Variants in PCDHGC5 observed in about 807,000 individuals in gnomAD.
PCDHGC5 encodes protocadherin gamma subfamily C, 5, also known as protocadherin gamma-C5.
PCDHGC5 carries 25 observed loss-of-function variants against 59.0 expected under a neutral mutation model. The observed-to-expected ratio is 0.42, with a 90% CI of 0.31 to 0.59. The LOEUF is 0.59. PCDHGC5 is among the 20% of genes least tolerant of loss of function. The pLI, the probability that PCDHGC5 is intolerant of heterozygous loss-of-function variation, is 0.13. For missense variants in PCDHGC5, 1,067 were observed against 1,206.4 expected (o/e 0.88, Z 1.71); for synonymous variants, 434 against 505.5 (o/e 0.86, Z 1.90).
chr5:141,509,051 A>G (rs1051961974), intron 3 of PCDHGC5, among the ~76,000 whole-genome samples: 1 of 152,166 alleles, frequency 6.6e-6, no homozygotes, highest in Admixed American at 6.5e-5. Context: ...CCCCGCCCCC[A>G]GAAAGCTCTC....
chr5:141,489,094 G>GAAT lies in PCDHGC5; in HGVS notation c.-145_-144insTAA, dbSNP rs2154581134. 5.1e-6 allele frequency: 2 copies of GAAT among 396,028 alleles called. No homozygotes were observed. Among genetic ancestry groups the GAAT allele is most frequent in the Non-Finnish European group, 9.0e-6 (2 of 221,296 alleles). 24.5% of individuals were successfully genotyped at this position (396,028 alleles called of 1,614,324 possible). Reference sequence around the variant, plus strand: ...CCCACCCCCGCCACTCGGTGACTAAGAACTGCTGCAAGCAGGCAAACCTCC... The same window carrying GAAT: ...CCCACCCCCGCCACTCGGTGACTAAGAATAACTGCTGCAAGCAGGCAAACCTCC... On this transcript the variant is annotated 5_prime_UTR_variant, in exon 1 of 4. Coordinates refer to ENST00000252087, the MANE Select transcript of PCDHGC5 (RefSeq NM_018929.3). The surrounding 1 kb of genome is among the most constrained non-coding windows in gnomAD (Gnocchi z 4.5).
intron 2 of PCDHGC5, 114 bp from the exon 3 acceptor site, chr5:141,505,279 C>T: frequency 6.5e-7 from 1 of 1,541,274 alleles, no homozygotes; most frequent in Non-Finnish European, 8.7e-7. Context: ...AGAAACAGGT[C>T]TTGGGCATGG....
In PCDHGC5 at chr5:141,491,764, C is replaced by T; in HGVS notation, c.2460+64C>T. The stretch of plus-strand genomic sequence containing the variant: ...CGGCACTGGAGAAGCCGCCCGTCCT[C>T]ATAAGGGATTGAACTTGCATCCACT... On this transcript the variant is annotated intron_variant, in intron 1 of 3. Transcript: ENST00000252087. The surrounding 1 kb of genome is among the most constrained non-coding windows in gnomAD (Gnocchi z 6.9). The T allele has an allele frequency of 6.4e-7, 1 of 1,570,206 alleles. No homozygotes were observed. Among genetic ancestry groups the T allele is most frequent in the Non-Finnish European group, 8.6e-7 (1 of 1,159,296 alleles).
Position 141,510,956 on chromosome 5 carries a change from A to T in PCDHGC5, c.2618A>T (p.Asp873Val). 1 of 1,614,104 alleles carries T rather than the reference A, an allele frequency of 6.2e-7. No homozygotes were observed. The highest frequency in any genetic ancestry group is 8.5e-7 in the Non-Finnish European group (1 of 1,179,996). The change falls in exon 4 of 4, where the codon GAT becomes GTT. Residue 873 changes from aspartate to valine, a missense_variant. Asp to Val is a radical substitution (Grantham distance 152). Transcript: ENST00000252087. ...MILASASEAA[D>V]GSSTLGGGAG... ...TCCTCTGTCTCTGCAGAAGCTGCTG[A>T]TGGGAGCTCCACCCTGGGAGGGGGT...
In PCDHGC5 at chr5:141,511,999, C is replaced by G. The variant is rs1049440139; in HGVS notation, c.*826C>G. ...GTGGATGGTGGGGGCATGGACAAAG[C>G]TTGACACATCAAGTTATCAAGGCCT... is the stretch of plus-strand genomic sequence containing the variant. On this transcript the variant is annotated 3_prime_UTR_variant, in exon 4 of 4. Coordinates refer to ENST00000252087, the MANE Select transcript of PCDHGC5 (RefSeq NM_018929.3). 6.5e-6 allele frequency: 1 copy of G among 153,016 alleles called. No individual in the cohort carries two copies. Among genetic ancestry groups the G allele is most frequent in the Non-Finnish European group, 1.5e-5 (1 of 68,392 alleles). The allele number at this position is 153,016 out of a possible 1,614,324, so 9.5% of individuals were successfully genotyped here. A position where few individuals can be genotyped will look rare whatever the true frequency, so the allele number is the denominator to read the frequency against.
chr5:141,511,733 T>C lies in PCDHGC5; in HGVS notation c.*560T>C, dbSNP rs1032711521. 9 of 177,040 alleles carry C rather than the reference T, an allele frequency of 5.1e-5. No individual in the cohort carries two copies. The highest frequency in any genetic ancestry group is 8.7e-5 in the Non-Finnish European group (7 of 80,868). The allele number at this position is 177,040 out of a possible 1,614,324, so 11.0% of individuals were successfully genotyped here. ...TCCTTCCAGAGCCCAAGATCAATGC[T>C]CAAGTTTTGGAGGACATGATCACCA... On this transcript the variant is annotated 3_prime_UTR_variant, in exon 4 of 4. Transcript: ENST00000252087.
intron 2 of PCDHGC5, among the ~76,000 whole-genome samples, chr5:141,501,109 C>G (rs909874167): frequency 2.0e-5 from 3 of 152,106 alleles, no homozygotes; most frequent in Non-Finnish European, 4.4e-5. Context: ...CCTCGTGATC[C>G]GCCTGCCTCA....
chr5:141,509,199 GTCTC>G (rs1017134758), intron 3 of PCDHGC5, among the ~76,000 whole-genome samples: 4 of 152,070 alleles, frequency 2.6e-5, no homozygotes, highest in Admixed American at 2.0e-4. Context: ...AATATTTCCT[GTCTC>G]TCTATTTCTC....
intron 2 of PCDHGC5, among the ~76,000 whole-genome samples, chr5:141,500,894 C>CAG (rs10656935): frequency 0.58 from 88,074 of 150,994 alleles, 27,125 homozygotes; most frequent in African/African-American, 0.78. Flanking sequence ...TTTTTTGAGA[C>CAG]AGTCTCGCTC....
At chr5:141,501,628 C>T (rs1217355708) in intron 2 of PCDHGC5, among the ~76,000 whole-genome samples, 1 of 152,112 alleles carries the variant, frequency 6.6e-6, no homozygotes, top group Non-Finnish European at 1.5e-5. Flanking sequence ...TATAGTCTCT[C>T]AACCTCTCTG....
chr5:141,495,384 C>A (rs2099760896), intron 2 of PCDHGC5, among the ~76,000 whole-genome samples: 1 of 152,190 alleles, frequency 6.6e-6, no homozygotes, highest in African/African-American at 2.4e-5. Flanking sequence ...AAGGACTGGG[C>A]GGGGCATGGA....
At position 141,510,947 on chromosome 5, in the gene PCDHGC5, A is replaced by C; in HGVS notation, c.2609A>C (p.Glu870Ala). Residue 870 changes from glutamate to alanine, a missense_variant and splice_region_variant, in exon 4 of 4, where the codon GAA (glutamate) becomes GCA (alanine). By Grantham distance (107) the Glu-to-Ala change is moderately radical. Transcript: ENST00000252087. ...ACCTGATCTTCCTCTGTCTCTGCAG[A>C]AGCTGCTGATGGGAGCTCCACCCTG... ...LQAMILASAS[E>A]AADGSSTLGG... The C allele has an allele frequency of 6.2e-7, 1 of 1,614,084 alleles. No individual in the cohort carries two copies. Among genetic ancestry groups the C allele is most frequent in the Non-Finnish European group, 8.5e-7 (1 of 1,180,000 alleles).
chr5:141,499,616 C>T (rs538268323), intron 2 of PCDHGC5, among the ~76,000 whole-genome samples: 2 of 152,058 alleles, frequency 1.3e-5, no homozygotes, highest in South Asian at 4.2e-4. Context: ...CTTATCCTGT[C>T]CTTGGATTCT....
rs1281778338 is a variant in PCDHGC5, at chr5:141,512,281, G to A, written c.*1108G>A. ...TGGGTACTCCAGAGGTGCCACTGGTGGAAGGGTCAGCGGAGCCCCAGCAGG... is the reference window on the plus strand; with the variant it reads ...TGGGTACTCCAGAGGTGCCACTGGTAGAAGGGTCAGCGGAGCCCCAGCAGG... On this transcript the variant is annotated 3_prime_UTR_variant, in exon 4 of 4. Transcript: ENST00000252087. 6.5e-6 allele frequency: 1 copy of A among 152,810 alleles called. No homozygotes were observed. Among genetic ancestry groups the A allele is most frequent in the Non-Finnish European group, 1.5e-5 (1 of 68,178 alleles). The allele number at this position is 152,810 out of a possible 1,614,324, so 9.5% of individuals were successfully genotyped here.
chr5:141,508,910 A>T (rs2099872999), intron 3 of PCDHGC5, among the ~76,000 whole-genome samples: 1 of 151,906 alleles, frequency 6.6e-6, no homozygotes, highest in Non-Finnish European at 1.5e-5. Context: ...GCGGTGGCGG[A>T]TCTGGCTTCC....
rs1356739313 is a variant in PCDHGC5, at chr5:141,490,444, A to T, written c.1204A>T (p.Asn402Tyr). The T allele has an allele frequency of 6.2e-7, 1 of 1,614,194 alleles. No individual in the cohort carries two copies. Among genetic ancestry groups the T allele is most frequent in the Non-Finnish European group, 8.5e-7 (1 of 1,180,034 alleles). The change falls in exon 1 of 4, where the codon AAC (asparagine) becomes TAC (tyrosine). Residue 402 changes from asparagine (N) to tyrosine (Y), a missense_variant. Transcript: ENST00000252087. The surrounding 1 kb of genome is among the most constrained non-coding windows in gnomAD (Gnocchi z 5.4). ...DLPFQIKPSE[N>Y]HYSLLTSQPL... ...GCCATTTCAGATTAAGCCTTCTGAG[A>T]ACCACTACTCGCTGCTAACCAGCCA...
At chr5:141,507,858 AC>A (rs2099864314) in intron 3 of PCDHGC5, among the ~76,000 whole-genome samples, 1 of 151,748 alleles carries the variant, frequency 6.6e-6, no homozygotes, top group African/African-American at 2.4e-5. Flanking sequence ...TCACTTTCAC[AC>A]CCGCTTCCTA....
At position 141,489,437 on chromosome 5, in the gene PCDHGC5, T is replaced by C; in HGVS notation, c.197T>C (p.Leu66Ser). The C allele has an allele frequency of 6.2e-7, 1 of 1,614,110 alleles. No individual in the cohort carries two copies. Among genetic ancestry groups the C allele is most frequent in the Non-Finnish European group, 8.5e-7 (1 of 1,180,020 alleles). ...MTDLLSRRLQ[L>S]GSEENGRYFS... ...GATCTGTTGAGCCGGCGGCTGCAATTGGGCTCTGAGGAGAATGGGCGCTAT... is the reference window on the plus strand; with the variant it reads ...GATCTGTTGAGCCGGCGGCTGCAATCGGGCTCTGAGGAGAATGGGCGCTAT... The change falls in exon 1 of 4, where the codon TTG becomes TCG. Residue 66 changes from leucine (L) to serine (S), a missense_variant. Transcript: ENST00000252087. This position sits in a 1 kb window ranked among gnomAD's most constrained non-coding sequence, Gnocchi z 4.5.
At chr5:141,507,797 C>T (rs933921827) in intron 3 of PCDHGC5, among the ~76,000 whole-genome samples, 3 of 152,240 alleles carry the variant, frequency 2.0e-5, no homozygotes, top group Non-Finnish European at 2.9e-5. Flanking sequence ...TCTAAGCCTG[C>T]GCCCTGGGGA....
Sources: gnomAD v4.1 joint callset for allele counts (sites outside exome capture counted in the v4.1 genomes callset) on GRCh38, gnomAD v4.1.1 for gene constraint, Gnocchi (gnomAD v3.1) non-coding constraint, MANE v1.5 for transcripts, NCBI Gene and HGNC (gene_info 2026-07-23, HGNC 2026-07-21) for gene names.